Variants in ENAH observed in about 807,000 individuals in gnomAD.
ENAH encodes the protein protein enabled homolog.
ENAH carries 23 observed loss-of-function variants against 78.7 expected under a neutral mutation model. That is an observed-to-expected ratio of 0.29 (90% CI 0.21 to 0.41). The LOEUF (loss-of-function observed/expected upper bound fraction) is 0.41, where lower values mean the gene tolerates loss of function less well. ENAH is among the 10% of genes least tolerant of loss of function. The pLI, the probability that ENAH is intolerant of heterozygous loss-of-function variation, is 1.00. For synonymous variants in ENAH, 226 were observed against 241.0 expected (o/e 0.94, Z 0.58); for missense variants, 544 against 691.0 (o/e 0.79, Z 2.39).
intron 1 of ENAH, among the ~76,000 whole-genome samples, chr1:225,601,793 TTAA>T: frequency 6.6e-6 from 1 of 151,882 alleles, no homozygotes; most frequent in Non-Finnish European, 1.5e-5. Context: ...AAAATATAAC[TTAA>T]TAACCCTTAC....
intron 1 of ENAH, among the ~76,000 whole-genome samples, chr1:225,617,472 C>T (rs1314270814): frequency 1.3e-5 from 2 of 152,156 alleles, no homozygotes; most frequent in Non-Finnish European, 2.9e-5. Context: ...ACATAAAGGT[C>T]AGCATAAACC....
intron 1 of ENAH, among the ~76,000 whole-genome samples, chr1:225,590,273 G>A (rs183394096): frequency 4.4e-4 from 67 of 152,014 alleles, no homozygotes; most frequent in South Asian, 6.2e-4. Flanking sequence ...CCAGGAGTTC[G>A]ACACCTGCTC....
At chr1:225,601,095 A>C (rs1279539079) in intron 1 of ENAH, among the ~76,000 whole-genome samples, 2 of 152,210 alleles carry the variant, frequency 1.3e-5, no homozygotes, top group African/African-American at 4.8e-5. Flanking sequence ...GTCTTAAAAT[A>C]TATTCAACAA....
At chr1:225,512,752 C>T (rs1185033104) in intron 8 of ENAH, 38 bp from the exon 9 acceptor site, 6 of 1,611,134 alleles carry the variant, frequency 3.7e-6, no homozygotes, top group South Asian at 1.1e-5. Flanking sequence ...AAAATATTAT[C>T]TGATTCAGTA....
At chr1:225,544,143 C>T (rs1455080243) in intron 3 of ENAH, among the ~76,000 whole-genome samples, 1 of 152,228 alleles carries the variant, frequency 6.6e-6, no homozygotes, top group Admixed American at 6.5e-5. Context: ...CTATTAAAGC[C>T]TCTCTTTATT....
At chr1:225,639,807 T>G (rs1660714568) in intron 1 of ENAH, among the ~76,000 whole-genome samples, 1 of 152,014 alleles carries the variant, frequency 6.6e-6, no homozygotes, top group Non-Finnish European at 1.5e-5. Flanking sequence ...GGAAGCCCTA[T>G]GGTCCACTTG....
At chr1:225,646,002 G>A (rs917901116) in intron 1 of ENAH, among the ~76,000 whole-genome samples, 4 of 152,182 alleles carry the variant, frequency 2.6e-5, no homozygotes, top group East Asian at 1.9e-4. Flanking sequence ...AAGGTTCCCA[G>A]TGTAAAGAGA....
At chr1:225,521,050 ACGCG>A (rs763760412) in intron 4 of ENAH, among the ~76,000 whole-genome samples, 1 of 151,978 alleles carries the variant, frequency 6.6e-6, no homozygotes, top group Admixed American at 6.5e-5. Context: ...GGACACACGC[ACGCG>A]CGCGCACACA....
intron 3 of ENAH, among the ~76,000 whole-genome samples, chr1:225,538,302 G>A (rs2096572198): frequency 6.6e-6 from 1 of 151,928 alleles, no homozygotes; most frequent in Non-Finnish European, 1.5e-5. Flanking sequence ...GGCAGATACT[G>A]CAGTGGTACA....
chr1:225,561,104 C>G (rs992287381), intron 2 of ENAH, among the ~76,000 whole-genome samples: 1 of 151,436 alleles, frequency 6.6e-6, no homozygotes, highest in Admixed American at 6.6e-5. Flanking sequence ...CTTGGTGGTG[C>G]GTGCCTGTAA....
At chr1:225,570,960 T>C (rs775570622) in intron 1 of ENAH, among the ~76,000 whole-genome samples, 18 of 152,008 alleles carry the variant, frequency 1.2e-4, no homozygotes, top group Non-Finnish European at 2.1e-4. Flanking sequence ...CGAAACTCCG[T>C]CTCAAAAAGA....
chr1:225,520,013 G>A (rs752418508), intron 4 of ENAH, among the ~76,000 whole-genome samples: 5 of 152,148 alleles, frequency 3.3e-5, no homozygotes, highest in African/African-American at 4.8e-5. Context: ...TACTGAATGG[G>A]CCAGGTGTAG....
chr1:225,615,902 C>T (rs916554173), intron 1 of ENAH, among the ~76,000 whole-genome samples: 1 of 152,118 alleles, frequency 6.6e-6, no homozygotes, highest in South Asian at 2.1e-4. Flanking sequence ...GGGAAATGTG[C>T]GGAAAAGAAA....
At chr1:225,620,703 C>A (rs1656669003) in intron 1 of ENAH, among the ~76,000 whole-genome samples, 1 of 151,928 alleles carries the variant, frequency 6.6e-6, no homozygotes, top group Non-Finnish European at 1.5e-5. Flanking sequence ...AGATCATAAG[C>A]TCCTTAAATG....
chr1:225,558,242 T>G (rs906605151), intron 2 of ENAH, among the ~76,000 whole-genome samples: 5 of 152,144 alleles, frequency 3.3e-5, no homozygotes, highest in Non-Finnish European at 5.9e-5. Flanking sequence ...CACTGTAGAG[T>G]TGACAAAAAG....
At chr1:225,520,708 C>G (rs562734142) in intron 4 of ENAH, among the ~76,000 whole-genome samples, 1 of 151,684 alleles carries the variant, frequency 6.6e-6, no homozygotes, top group Non-Finnish European at 1.5e-5. Flanking sequence ...ATTTTAAAAT[C>G]AGCCAGGCAT....
intron 1 of ENAH, among the ~76,000 whole-genome samples, chr1:225,584,986 A>T (rs2096837894): frequency 6.6e-6 from 1 of 152,092 alleles, no homozygotes; most frequent in Non-Finnish European, 1.5e-5. Flanking sequence ...AGGCTGAGGC[A>T]GGTGGATCAT....
chr1:225,641,154 C>G (rs868194197), intron 1 of ENAH, among the ~76,000 whole-genome samples: 5 of 151,508 alleles, frequency 3.3e-5, no homozygotes, highest in African/African-American at 9.7e-5. Context: ...TGAGCCACCG[C>G]GCCCGGCCAA....
intron 2 of ENAH, among the ~76,000 whole-genome samples, chr1:225,562,189 G>C (rs1473730063): frequency 6.6e-6 from 1 of 151,792 alleles, no homozygotes; most frequent in East Asian, 2.0e-4. Context: ...CCAAAGTACT[G>C]AGATTAAAGG....
Sources: gnomAD v4.1 joint callset for allele counts (sites outside exome capture counted in the v4.1 genomes callset) on GRCh38, gnomAD v4.1.1 for gene constraint, MANE v1.5 for transcripts, NCBI Gene and HGNC (gene_info 2026-07-23, HGNC 2026-07-21) for gene names.